SLC26A7: variants seen among roughly 807,000 people sequenced by gnomAD.
SLC26A7 encodes anion exchange transporter.
Under a neutral mutation model 82.5 loss-of-function variants are expected in SLC26A7, and 59 were observed. The observed-to-expected ratio is 0.72, with a 90% confidence interval of 0.58 to 0.89. SLC26A7 has a LOEUF of 0.89. Ranked by LOEUF, SLC26A7 falls within the 40% of genes least tolerant of loss-of-function variation. SLC26A7 has a pLI of 0.00. For synonymous variants in SLC26A7, 271 were observed against 274.3 expected (o/e 0.99, Z 0.12); for missense variants, 820 against 793.0 (o/e 1.03, Z -0.41).
chr8:91,226,710 T>A (rs1292261752), intron 2 of SLC26A7, among the ~76,000 whole-genome samples: 1 of 152,212 alleles, frequency 6.6e-6, no homozygotes, highest in Non-Finnish European at 1.5e-5. Context: ...AATATAATGA[T>A]AAGTACTTTG....
chr8:91,357,461 G>A (rs1285826666), intron 11 of SLC26A7: 5 of 152,066 alleles, frequency 3.3e-5, no homozygotes, highest in Non-Finnish European at 5.9e-5. Context: ...GAGTAAAAAT[G>A]CCTTTAATAT....
upstream of SLC26A7, among the ~76,000 whole-genome samples, chr8:91,245,257 GA>G (rs34143242): frequency 2.6e-5 from 4 of 152,112 alleles, no homozygotes; most frequent in Admixed American, 6.5e-5. Context: ...AATAATTGGG[GA>G]AAAAAAGTTC....
intron 4 of SLC26A7, among the ~76,000 whole-genome samples, chr8:91,306,202 C>T (rs1044445961): frequency 6.6e-6 from 1 of 152,148 alleles, no homozygotes; most frequent in East Asian, 1.9e-4. Flanking sequence ...TGGTTTTCCT[C>T]CTTAAGTGTC....
chr8:91,340,409 C>T lies in SLC26A7; in HGVS notation c.884C>T (p.Pro295Leu), dbSNP rs138790226. Residue 295 changes from proline (P) to leucine (L), a missense_variant, in exon 8 of 19, where the codon CCC (proline) becomes CTC (leucine). Transcript: ENST00000276609. The part of the protein sequence containing the change: ...EVVGHIPQGI[P>L]SPRAPPMNIL... ...TATGGTCCTTCTTTCCACAGAATTC[C>T]CTCACCTAGAGCTCCCCCGATGAAC... The T allele has an allele frequency of 8.1e-6, 13 of 1,613,330 alleles. No individual in the cohort carries two copies. The African/African-American group carries it at 1.5e-4, about 18-fold the overall frequency.
intron 2 of SLC26A7, among the ~76,000 whole-genome samples, chr8:91,279,223 A>G (rs1274571268): frequency 6.9e-6 from 1 of 144,046 alleles, no homozygotes; most frequent in Non-Finnish European, 1.5e-5. Context: ...TTGATTCCCT[A>G]TCTTGGCTAT....
intron 9 of SLC26A7, among the ~76,000 whole-genome samples, chr8:91,345,107 A>ATT (rs575561031): frequency 6.5e-5 from 9 of 137,910 alleles, no homozygotes; most frequent in African/African-American, 2.4e-4. Flanking sequence ...ACACCTTGCT[A>ATT]TTTTTTTTTT....
Position 91,397,105 on chromosome 8 carries a change from A to C in SLC26A7, c.*2008A>C, listed in dbSNP as rs1158363628. 6.6e-6 allele frequency: 1 copy of C among 152,078 alleles called. No homozygotes were observed. The highest frequency in any genetic ancestry group is 1.5e-5 in the Non-Finnish European group (1 of 67,942). The allele number at this position is 152,078 out of a possible 1,614,324, so 9.4% of individuals were successfully genotyped here. A position where few individuals can be genotyped will look rare whatever the true frequency, so the allele number is the denominator to read the frequency against. On this transcript the variant is annotated 3_prime_UTR_variant, in exon 19 of 19. Coordinates refer to ENST00000276609, the MANE Select transcript of SLC26A7 (RefSeq NM_052832.4). ...TATTTTAATGCATTTCAGTGTTTAT[A>C]GTAGAAGTTTAGTGGATAAAACTTT...
intron 2 of SLC26A7, among the ~76,000 whole-genome samples, chr8:91,228,815 A>T (rs1052085077): frequency 5.3e-5 from 8 of 152,210 alleles, no homozygotes. Flanking sequence ...ATAGAGGACA[A>T]AAAAGTGCGT....
Position 91,249,852 on chromosome 8 carries a change from A to G in SLC26A7, c.193+8A>G. 5 of 1,590,668 alleles carry G rather than the reference A, an allele frequency of 3.1e-6. No homozygotes were observed. The highest frequency in any genetic ancestry group is 1.2e-5 in the South Asian group (1 of 86,348). On this transcript the variant is annotated splice_region_variant and intron_variant, in intron 2 of 18. Transcript: ENST00000276609. Reference sequence around the variant, plus strand: ...TTCAACAGGTGACCCAAGGTAATGTATTGCATTTGAGTTTCCTGTATTATG... The same window carrying G: ...TTCAACAGGTGACCCAAGGTAATGTGTTGCATTTGAGTTTCCTGTATTATG...
intron 2 of SLC26A7, among the ~76,000 whole-genome samples, chr8:91,232,775 C>A (rs1183516447): frequency 6.6e-6 from 1 of 152,158 alleles, no homozygotes; most frequent in Non-Finnish European, 1.5e-5. Flanking sequence ...CTGCCTATGC[C>A]TAACAGGCTT....
intron 2 of SLC26A7, among the ~76,000 whole-genome samples, chr8:91,242,362 C>T (rs754129618): frequency 1.6e-4 from 25 of 152,312 alleles, no homozygotes; most frequent in South Asian, 4.1e-4. Flanking sequence ...ATATGAAGTA[C>T]AGGGACTTGT....
At chr8:91,308,829 T>G (rs1812397359) in intron 4 of SLC26A7, among the ~76,000 whole-genome samples, 1 of 152,208 alleles carries the variant, frequency 6.6e-6, no homozygotes, top group Admixed American at 6.5e-5. Flanking sequence ...CATTGGGAGT[T>G]CTTTCAGTTG....
Position 91,318,203 on chromosome 8 carries a change from C to G in SLC26A7, c.478-13C>G. The G allele has an allele frequency of 6.3e-7, 1 of 1,585,580 alleles. No homozygotes were observed. The highest frequency in any genetic ancestry group is 1.4e-5 in the African/African-American group (1 of 74,038). ...CATCTGAAGTTCATCTCACTTCTCC[C>G]TTCTCCTCTTAGGTGGCCATGTTTG... On this transcript the variant is annotated splice_polypyrimidine_tract_variant and intron_variant, in intron 4 of 18. Transcript: ENST00000276609.
intron 2 of SLC26A7, among the ~76,000 whole-genome samples, chr8:91,253,483 G>GT (rs1810716284): frequency 6.6e-6 from 1 of 151,986 alleles, no homozygotes; most frequent in Non-Finnish European, 1.5e-5. Flanking sequence ...GTCTCCACCT[G>GT]TAGGCCATAT....
intron 6 of SLC26A7, among the ~76,000 whole-genome samples, chr8:91,334,992 C>T (rs1261639437): frequency 6.6e-6 from 1 of 152,114 alleles, no homozygotes; most frequent in Non-Finnish European, 1.5e-5. Context: ...CAATACATTA[C>T]ATTTTGCTCC....
Position 91,318,396 on chromosome 8 carries a change from G to T in SLC26A7, c.642+16G>T. ...ATTCTTTTATGTGAGTTTTTCGTAT[G>T]CTTTCATACATATCTTTTGAATGTG... On this transcript the variant is annotated intron_variant, in intron 5 of 18. Coordinates refer to ENST00000276609, the MANE Select transcript of SLC26A7 (RefSeq NM_052832.4). 1 of 1,576,914 alleles carries T rather than the reference G, an allele frequency of 6.3e-7. No individual in the cohort carries two copies. Among genetic ancestry groups the T allele is most frequent in the East Asian group, 2.3e-5 (1 of 43,378 alleles).
chr8:91,351,133 T>A (rs1468980666), intron 9 of SLC26A7, among the ~76,000 whole-genome samples: 1 of 152,148 alleles, frequency 6.6e-6, no homozygotes, highest in Non-Finnish European at 1.5e-5. Flanking sequence ...GTCCTGAACA[T>A]TTGCTTCTGT....
At chr8:91,367,164 C>T (rs1191071272) in intron 14 of SLC26A7, among the ~76,000 whole-genome samples, 4 of 152,188 alleles carry the variant, frequency 2.6e-5, no homozygotes, top group East Asian at 1.9e-4. Flanking sequence ...CCCGCCACCA[C>T]GCTCGGCTAA....
chr8:91,216,227 A>G (rs1586297146), intron 1 of SLC26A7, among the ~76,000 whole-genome samples: 1 of 152,144 alleles, frequency 6.6e-6, no homozygotes, highest in East Asian at 1.9e-4. Flanking sequence ...TAACTAAACA[A>G]TGTTTCCCCC....
Sources: gnomAD v4.1 joint callset for allele counts (sites outside exome capture counted in the v4.1 genomes callset) on GRCh38, gnomAD v4.1.1 for gene constraint, MANE v1.5 for transcripts, NCBI Gene and HGNC (gene_info 2026-07-23, HGNC 2026-07-21) for gene names.